PCDHGA4: variants seen among roughly 807,000 people sequenced by gnomAD.
The protein encoded by PCDHGA4 is protocadherin gamma-A4.
A neutral mutation model predicts 54.6 loss-of-function variants in PCDHGA4; 38 were observed. The ratio of observed to expected loss-of-function variants is 0.70; its 90% CI spans 0.54 to 0.91. PCDHGA4 has a LOEUF of 0.91. Ranked by LOEUF, PCDHGA4 falls within the 40% of genes least tolerant of loss-of-function variation. The probability of loss-of-function intolerance (pLI) is 0.00; values close to 1 mark genes in which losing one functional copy is unlikely to be tolerated. For synonymous variants in PCDHGA4, 511 were observed against 512.9 expected (o/e 1.00, Z 0.05); for missense variants, 1,298 against 1,220.9 (o/e 1.06, Z -0.94).
chr5:141,377,373 A>G (rs1416774435), intron 1 of PCDHGA4: 1 of 152,200 alleles, frequency 6.6e-6, no homozygotes, highest in Non-Finnish European at 1.5e-5. Context: ...CAGGAGGCTG[A>G]GGCAGGAGGA....
chr5:141,465,761 G>A (rs1040750106), intron 1 of PCDHGA4, among the ~76,000 whole-genome samples: 2 of 151,634 alleles, frequency 1.3e-5, no homozygotes, highest in African/African-American at 4.8e-5. Flanking sequence ...GTAAAGTCAT[G>A]TTTCATCTCT....
rs777873138 is a variant in PCDHGA4, at chr5:141,365,973, T to C, written c.2514+8352T>C. The stretch of plus-strand genomic sequence containing the variant: ...CCTCCACTTAGCAGCAACGTGTCGC[T>C]GAGCCTGTTTGTGCTGGACCAGAAC... On this transcript the variant is annotated intron_variant, in intron 1 of 3. Coordinates refer to ENST00000571252, the MANE Select transcript of PCDHGA4 (RefSeq NM_018917.4). The C allele has an allele frequency of 4.3e-5, 70 of 1,614,126 alleles. No individual in the cohort carries two copies. In the Admixed American group the frequency reaches 1.1e-3, roughly 27 times the overall value.
intron 1 of PCDHGA4, chr5:141,484,876 A>T (rs1461505847): frequency 6.3e-6 from 2 of 315,126 alleles, no homozygotes; most frequent in Admixed American, 9.4e-5. Flanking sequence ...CGTGGAGGAT[A>T]GGGTGGGCTT....
intron 1 of PCDHGA4, among the ~76,000 whole-genome samples, chr5:141,382,340 T>G (rs535677710): frequency 3.4e-4 from 52 of 152,358 alleles, no homozygotes; most frequent in Middle Eastern, 3.4e-3. Context: ...AAGTAAAATC[T>G]TTCATATGTA....
At chr5:141,458,509 CTTTG>C (rs1327998402) in intron 1 of PCDHGA4, among the ~76,000 whole-genome samples, 2 of 149,986 alleles carry the variant, frequency 1.3e-5, no homozygotes. Context: ...CTGTTTGACA[CTTTG>C]TTTTTTTTTT....
At chr5:141,360,435 T>C in intron 1 of PCDHGA4, 1 of 1,613,990 alleles carries the variant, frequency 6.2e-7, no homozygotes, top group Non-Finnish European at 8.5e-7. Flanking sequence ...GGAAGCAGCC[T>C]CTGTGTGTTC....
intron 1 of PCDHGA4, chr5:141,366,640 T>G: frequency 3.7e-6 from 6 of 1,614,186 alleles, no homozygotes; most frequent in Non-Finnish European, 4.2e-6. Flanking sequence ...ACCTGATCTT[T>G]CCCCAGCCCA....
intron 1 of PCDHGA4, among the ~76,000 whole-genome samples, chr5:141,471,039 A>G (rs1175460270): frequency 7.2e-6 from 1 of 137,964 alleles, no homozygotes; most frequent in Non-Finnish European, 1.5e-5. Context: ...TAACAAGCCC[A>G]AGCCCTCTTT....
At chr5:141,442,701 A>AG (rs1388473196) in intron 1 of PCDHGA4, among the ~76,000 whole-genome samples, 5 of 152,258 alleles carry the variant, frequency 3.3e-5, no homozygotes, top group Non-Finnish European at 7.3e-5. Flanking sequence ...AGACAAGAGT[A>AG]TCAGACATGC....
intron 1 of PCDHGA4, chr5:141,417,501 A>T: frequency 4.4e-6 from 1 of 227,168 alleles, no homozygotes. Flanking sequence ...GAGGAAAAAG[A>T]TTAAAATATT....
intron 1 of PCDHGA4, chr5:141,424,599 GATTT>G (rs1016470290): frequency 3.9e-5 from 6 of 152,170 alleles, no homozygotes; most frequent in Non-Finnish European, 8.8e-5. Flanking sequence ...GATGTCTACA[GATTT>G]ATTCAAATAG....
At chr5:141,424,120 C>A in intron 1 of PCDHGA4, 2 of 650,838 alleles carry the variant, frequency 3.1e-6, no homozygotes, top group Non-Finnish European at 3.9e-6. Context: ...AAATTTTGAT[C>A]CTGTTGATTT....
At chr5:141,469,948 T>C (rs1258593339) in intron 1 of PCDHGA4, among the ~76,000 whole-genome samples, 2 of 152,110 alleles carry the variant, frequency 1.3e-5, no homozygotes, top group Admixed American at 1.3e-4. Flanking sequence ...CTGGCCAGCA[T>C]GGTGAAACCC....
intron 1 of PCDHGA4, chr5:141,398,164 AG>A (rs970849138): frequency 6.8e-7 from 1 of 1,481,390 alleles, no homozygotes; most frequent in African/African-American, 1.4e-5. Context: ...CCGGGCTGAG[AG>A]GCTGCCAGTG....
intron 1 of PCDHGA4, chr5:141,399,615 A>G (rs756068630): frequency 1.2e-6 from 2 of 1,613,942 alleles, no homozygotes; most frequent in South Asian, 1.1e-5. Context: ...AGCCTCTGGC[A>G]CTGGCCTCTT....
intron 1 of PCDHGA4, chr5:141,374,760 C>T (rs1255992375): frequency 6.2e-7 from 1 of 1,613,440 alleles, no homozygotes; most frequent in South Asian, 1.1e-5. Context: ...TCAAGCGTCG[C>T]CCAAATTCTG....
At chr5:141,385,499 A>G in intron 1 of PCDHGA4, 1 of 1,381,812 alleles carries the variant, frequency 7.2e-7, no homozygotes, top group Non-Finnish European at 9.4e-7. Context: ...AGGATATAGT[A>G]TTTCTTTAGT....
chr5:141,434,474 A>G (rs979175338), intron 1 of PCDHGA4, among the ~76,000 whole-genome samples: 2 of 152,222 alleles, frequency 1.3e-5, no homozygotes, highest in Non-Finnish European at 2.9e-5. Context: ...GAATGAGGGC[A>G]AGGAACACCT....
At chr5:141,428,064 G>C in intron 1 of PCDHGA4, 1 of 1,609,060 alleles carries the variant, frequency 6.2e-7, no homozygotes, top group East Asian at 2.2e-5. Flanking sequence ...GGCGGTGGAC[G>C]CAGATTCGGG....
Sources: gnomAD v4.1 joint callset for allele counts (sites outside exome capture counted in the v4.1 genomes callset) on GRCh38, gnomAD v4.1.1 for gene constraint, MANE v1.5 for transcripts, NCBI Gene and HGNC (gene_info 2026-07-23, HGNC 2026-07-21) for gene names.